The following SLC5A1 variants were observed in gnomAD, a reference collection of about 807,000 sequenced individuals.
SLC5A1 encodes the protein sodium/glucose cotransporter 1.
A neutral mutation model predicts 73.5 loss-of-function variants in SLC5A1; 42 were observed. The ratio of observed to expected loss-of-function variants is 0.57; its 90% CI spans 0.45 to 0.74. The LOEUF (loss-of-function observed/expected upper bound fraction) is 0.74, where lower values mean the gene tolerates loss of function less well. SLC5A1 is among the 30% of genes least tolerant of loss of function. The probability of loss-of-function intolerance (pLI) is 0.00; values close to 1 mark genes in which losing one functional copy is unlikely to be tolerated. For missense variants in SLC5A1, 634 were observed against 855.4 expected, an observed-to-expected ratio of 0.74 and a Z score of 3.23; for synonymous variants, 300 against 317.4, an observed-to-expected ratio of 0.95 and a Z score of 0.58.
At chr22:32,107,213 CAA>C (rs1393340312) in intron 14 of SLC5A1, among the ~76,000 whole-genome samples, 1 of 152,136 alleles carries the variant, frequency 6.6e-6, no homozygotes, top group Admixed American at 6.5e-5. Flanking sequence ...CTCCTACCTC[CAA>C]AAATGTCTCC....
chr22:32,080,975 C>T lies in SLC5A1; in HGVS notation c.478-891C>T, dbSNP rs7287793. Among the ~76,000 whole-genome samples, 680 of 152,240 alleles carry T rather than the reference C, an allele frequency of 4.5e-3. 3 individuals carry two copies. Among genetic ancestry groups the T allele is most frequent in the African/African-American group, 0.014 (574 of 41,522 alleles). ...CACCACTGCACTCTAGCCCGGGCGACAGAGTGAGACTCTGTCAAAAAATAA... is the reference window on the plus strand; with the variant it reads ...CACCACTGCACTCTAGCCCGGGCGATAGAGTGAGACTCTGTCAAAAAATAA... On this transcript the variant is annotated intron_variant, in intron 5 of 14. Transcript: ENST00000266088.
chr22:32,063,457 A>G (rs373230238), intron 2 of SLC5A1, among the ~76,000 whole-genome samples: 6 of 152,160 alleles, frequency 3.9e-5, no homozygotes, highest in East Asian at 3.9e-4. Context: ...AGGTCAAGAA[A>G]ACATTCAAAC....
At chr22:32,077,768 T>C (rs2093993338) in intron 5 of SLC5A1, among the ~76,000 whole-genome samples, 1 of 152,218 alleles carries the variant, frequency 6.6e-6, no homozygotes, top group African/African-American at 2.4e-5. Flanking sequence ...TCCTAAAAGG[T>C]GAATGCTGTC....
intron 1 of SLC5A1, among the ~76,000 whole-genome samples, chr22:32,045,739 C>T (rs1416927698): frequency 6.6e-6 from 1 of 152,220 alleles, no homozygotes; most frequent in Non-Finnish European, 1.5e-5. Context: ...TCTTTCACCA[C>T]CTATCAGTTT....
intron 3 of SLC5A1, among the ~76,000 whole-genome samples, chr22:32,067,407 C>T (rs2093975523): frequency 6.6e-6 from 1 of 151,312 alleles, no homozygotes; most frequent in East Asian, 1.9e-4. Context: ...GGTCTTGCTC[C>T]ACTGCTCAGG....
rs753659966 is a variant in SLC5A1 at position 32,067,942 on chromosome 22, A to G, written c.313-25A>G. On this transcript the variant is annotated intron_variant, in intron 3 of 14. Transcript: ENST00000266088. ...ATGGGCTAAGTTTCCTCCTAATTTG[A>G]GTCCACCTTTTGTGTTCATTTCAGG... 1.2e-5 allele frequency: 19 copies of G among 1,613,646 alleles called. No homozygotes were observed. In the South Asian group the frequency reaches 2.1e-4, roughly 18 times the overall value.
intron 14 of SLC5A1, among the ~76,000 whole-genome samples, chr22:32,107,309 A>G (rs922516517): frequency 6.6e-6 from 1 of 152,194 alleles, no homozygotes; most frequent in African/African-American, 2.4e-5. Flanking sequence ...GTGGAAGAAG[A>G]GATTATTTTT....
intron 10 of SLC5A1, among the ~76,000 whole-genome samples, chr22:32,088,934 C>A (rs547642898): frequency 1.3e-5 from 2 of 152,184 alleles, no homozygotes; most frequent in Non-Finnish European, 2.9e-5. Flanking sequence ...TAATGTATGT[C>A]TCTCTATTTT....
intron 5 of SLC5A1, among the ~76,000 whole-genome samples, chr22:32,076,179 G>T (rs1274165754): frequency 6.6e-6 from 1 of 152,228 alleles, no homozygotes; most frequent in Non-Finnish European, 1.5e-5. Context: ...AAAGTACAGG[G>T]CATTGTAGGT....
chr22:32,083,355 T>C (rs2094003029), intron 7 of SLC5A1, among the ~76,000 whole-genome samples: 1 of 152,196 alleles, frequency 6.6e-6, no homozygotes, highest in Admixed American at 6.5e-5. Flanking sequence ...CCTGGAAGAC[T>C]GAAGCTGGGG....
intron 2 of SLC5A1, among the ~76,000 whole-genome samples, chr22:32,051,144 G>A (rs934139515): frequency 6.6e-6 from 1 of 152,180 alleles, no homozygotes; most frequent in Non-Finnish European, 1.5e-5. Context: ...CACCTACCAG[G>A]ACTACTGGCA....
chr22:32,062,627 A>G (rs2093965072), intron 2 of SLC5A1, among the ~76,000 whole-genome samples: 1 of 152,164 alleles, frequency 6.6e-6, no homozygotes, highest in Non-Finnish European at 1.5e-5. Flanking sequence ...AATTCACAGG[A>G]ACATGGGGGA....
At chr22:32,081,807 C>T (rs967363634) in intron 5 of SLC5A1, 59 bp from the exon 6 acceptor site, 2 of 1,017,218 alleles carry the variant, frequency 2.0e-6, no homozygotes, top group African/African-American at 3.1e-5. Flanking sequence ...AGAGAGACTA[C>T]AGGCCCTGTA....
intron 10 of SLC5A1, among the ~76,000 whole-genome samples, chr22:32,090,639 G>A (rs2094015643): frequency 2.0e-5 from 3 of 151,814 alleles, no homozygotes; most frequent in African/African-American, 7.2e-5. Context: ...TAATGTATGA[G>A]TTTTTGAGTG....
intron 12 of SLC5A1, 97 bp from the exon 13 acceptor site, chr22:32,101,925 T>TG: frequency 1.1e-6 from 1 of 914,862 alleles, no homozygotes; most frequent in Non-Finnish European, 1.8e-6. Flanking sequence ...CTCCTACCTC[T>TG]GTTCCTTTGC....
chr22:32,066,861 CCT>C, intron 2 of SLC5A1, 72 bp from the exon 3 acceptor site: 1 of 1,020,400 alleles, frequency 9.8e-7, no homozygotes, highest in Non-Finnish European at 1.6e-6. Flanking sequence ...TGACATGTCT[CCT>C]CTCTCTTTGA....
chr22:32,070,901 A>C (rs2149488921), intron 5 of SLC5A1, among the ~76,000 whole-genome samples: 1 of 152,330 alleles, frequency 6.6e-6, no homozygotes, highest in South Asian at 2.1e-4. Flanking sequence ...AAAAGAAAAG[A>C]AAATGTAAAT....
chr22:32,049,367 T>A (rs1174834836), intron 1 of SLC5A1, among the ~76,000 whole-genome samples: 1 of 148,596 alleles, frequency 6.7e-6, no homozygotes, highest in Non-Finnish European at 1.5e-5. Flanking sequence ...AACAAAGATA[T>A]AACTCACATC....
At chr22:32,046,105 T>C (rs1056780107) in intron 1 of SLC5A1, among the ~76,000 whole-genome samples, 14 of 152,202 alleles carry the variant, frequency 9.2e-5, no homozygotes, top group East Asian at 1.9e-4. Context: ...CACTGAATGA[T>C]TGAATTGGAA....
Sources: gnomAD v4.1 joint callset for allele counts (sites outside exome capture counted in the v4.1 genomes callset) on GRCh38, gnomAD v4.1.1 for gene constraint, MANE v1.5 for transcripts, NCBI Gene and HGNC (gene_info 2026-07-23, HGNC 2026-07-21) for gene names.